The following BGLAP variants were observed in gnomAD, a reference collection of about 807,000 sequenced individuals.
BGLAP encodes the protein osteocalcin.
A neutral mutation model predicts 13.7 loss-of-function variants in BGLAP; 15 were observed. The observed-to-expected ratio is 1.09, with a 90% CI of 0.73 to 1.68. The LOEUF (loss-of-function observed/expected upper bound fraction) is 1.68, where lower values mean the gene tolerates loss of function less well. BGLAP is among the 40% of genes most tolerant of loss of function. BGLAP has a pLI of 0.00. For synonymous variants in BGLAP, 67 were observed against 56.2 expected, an observed-to-expected ratio of 1.19 and a Z score of -0.86; for missense variants, 120 against 134.3, an observed-to-expected ratio of 0.89 and a Z score of 0.53.
Position 156,243,084 on chromosome 1 carries a change from G to A in BGLAP, c.225G>A (p.Glu75=), listed in dbSNP as rs777257923. ...DPLEPRREVC[E]LNPDCDELAD... ...TGGAGCCCAGGAGGGAGGTGTGTGA[G>A]CTCAATCCGGACTGTGACGAGTTGG... The change falls in exon 4 of 4, where the codon GAG becomes GAA. Residue 75 remains glutamate (E), a synonymous_variant. Coordinates refer to ENST00000368272, the MANE Select transcript of BGLAP (RefSeq NM_199173.6). 2.5e-6 allele frequency: 4 copies of A among 1,613,990 alleles called. No homozygotes were observed. Among genetic ancestry groups the A allele is most frequent in the Non-Finnish European group, 3.4e-6 (4 of 1,180,008 alleles).
chr1:156,242,950 G>A, intron 3 of BGLAP, 83 bp from the exon 4 acceptor site: 2 of 1,596,236 alleles, frequency 1.3e-6, no homozygotes. Context: ...CTGCCCTGGT[G>A]GGCACCCTGG....
At chr1:156,242,467 A>G in intron 1 of BGLAP, 86 bp from the exon 2 acceptor site, 1 of 1,550,158 alleles carries the variant, frequency 6.5e-7, no homozygotes, top group Non-Finnish European at 8.7e-7. Context: ...GAGAGGAGGG[A>G]AGAGCAAGCT....
chr1:156,242,359 G>A (rs759821074), intron 1 of BGLAP, 64 bp downstream of exon 1: 15 of 1,582,904 alleles, frequency 9.5e-6, no homozygotes, highest in Non-Finnish European at 1.3e-5. Flanking sequence ...AAGCACCATG[G>A]CCCACCTCTT....
rs773985372 is a variant in BGLAP at position 156,243,021 on chromosome 1, C to T, written c.174-12C>T. 6.2e-6 allele frequency: 10 copies of T among 1,613,782 alleles called. No homozygotes were observed. Among genetic ancestry groups the T allele is most frequent in the Middle Eastern group, 1.6e-4 (1 of 6,080 alleles). On this transcript the variant is annotated splice_polypyrimidine_tract_variant and intron_variant, in intron 3 of 3. Coordinates refer to ENST00000368272, the MANE Select transcript of BGLAP (RefSeq NM_199173.6). The stretch of plus-strand genomic sequence containing the variant: ...TGCACGGGGGCTGATGCCACCACGT[C>T]GGGTGTCTCAGAGCCCCAGTCCCCT...
rs775012576 is a variant in BGLAP at position 156,242,305 on chromosome 1, C to T, written c.64+10C>T. ...ATCGCTGGCCAGGCAGGTGAGTGCCCCCACCTCCCCTCAGGCCGCATTGCA... is the reference window on the plus strand; with the variant it reads ...ATCGCTGGCCAGGCAGGTGAGTGCCTCCACCTCCCCTCAGGCCGCATTGCA... On this transcript the variant is annotated intron_variant, in intron 1 of 3. Coordinates refer to ENST00000368272, the MANE Select transcript of BGLAP (RefSeq NM_199173.6). The T allele has an allele frequency of 6.2e-7, 1 of 1,611,960 alleles. No homozygotes were observed. Among genetic ancestry groups the T allele is most frequent in the Admixed American group, 1.7e-5 (1 of 59,898 alleles).
intron 2 of BGLAP, 70 bp from the exon 3 acceptor site, chr1:156,242,692 A>G (rs974076705): frequency 5.0e-6 from 8 of 1,607,720 alleles, no homozygotes; most frequent in Admixed American, 1.7e-5. Flanking sequence ...GCCATCAGGA[A>G]GGCCAGCCTG....
intron 2 of BGLAP, 57 bp downstream of exon 2, chr1:156,242,648 G>A (rs374547015): frequency 1.6e-4 from 254 of 1,600,090 alleles, no homozygotes; most frequent in Non-Finnish European, 2.0e-4. Flanking sequence ...TGGTCCCTCA[G>A]TCTCATTCCC....
intron 3 of BGLAP, 87 bp downstream of exon 3, chr1:156,242,918 T>A: frequency 6.3e-7 from 1 of 1,575,278 alleles, no homozygotes; most frequent in African/African-American, 1.3e-5. Context: ...CCTCTCTGGG[T>A]TGTGGTGGGG....
rs941432094 is a variant in BGLAP, at chr1:156,243,236, T to G, written c.*74T>G. The G allele has an allele frequency of 8.8e-6, 14 of 1,591,272 alleles. No homozygotes were observed. Among genetic ancestry groups the G allele is most frequent in the Non-Finnish European group, 1.1e-5 (13 of 1,171,498 alleles). On this transcript the variant is annotated 3_prime_UTR_variant, in exon 4 of 4. Coordinates refer to ENST00000368272, the MANE Select transcript of BGLAP (RefSeq NM_199173.6). ...AGGCACCCTTCTTTCCTCTTCCCCT[T>G]GCCCTTGCCCTGACCTCCCAGCCCT... is the stretch of plus-strand genomic sequence containing the variant.
intron 3 of BGLAP, 93 bp from the exon 4 acceptor site, chr1:156,242,940 C>T: frequency 6.3e-7 from 1 of 1,587,900 alleles, no homozygotes; most frequent in South Asian, 1.1e-5. Flanking sequence ...TACAGGCAGC[C>T]TGCCCTGGTG....
intron 1 of BGLAP, 72 bp from the exon 2 acceptor site, chr1:156,242,481 C>T (rs376724263): frequency 4.3e-5 from 66 of 1,550,724 alleles, no homozygotes; most frequent in African/African-American, 2.9e-4. Flanking sequence ...GCAAGCTGCC[C>T]GAGACGCAGG....
At position 156,243,142 on chromosome 1, in the gene BGLAP, C is replaced by T. The variant is rs200610507; in HGVS notation, c.283C>T (p.Arg95Cys). The T allele has an allele frequency of 6.8e-5, 110 of 1,614,000 alleles. No individual in the cohort carries two copies. The highest frequency in any genetic ancestry group is 3.0e-4 in the South Asian group (27 of 91,076). Reference protein sequence around the residue: ...DHIGFQEAYRRFYGPV With the variant: ...DHIGFQEAYRCFYGPV ...CATCGGCTTTCAGGAGGCCTATCGG[C>T]GCTTCTACGGCCCGGTCTAGGGTGT... is the stretch of plus-strand genomic sequence containing the variant. The change falls in exon 4 of 4, where the codon CGC becomes TGC. Residue 95 changes from arginine (R) to cysteine (C), a missense_variant. By Grantham distance (180) the Arg-to-Cys change is radical (BLOSUM62 -3). Transcript: ENST00000368272.
At chr1:156,242,664 C>T in intron 2 of BGLAP, 73 bp downstream of exon 2, 3 of 1,607,700 alleles carry the variant, frequency 1.9e-6, no homozygotes, top group Admixed American at 1.7e-5. Context: ...TTCCCCCACT[C>T]CTGCCACCTC....
Position 156,242,305 on chromosome 1 carries a change from C to G in BGLAP, c.64+10C>G, listed in dbSNP as rs775012576. On this transcript the variant is annotated intron_variant, in intron 1 of 3. Transcript: ENST00000368272. ...ATCGCTGGCCAGGCAGGTGAGTGCC[C>G]CCACCTCCCCTCAGGCCGCATTGCA... 16 of 1,611,842 alleles carry G rather than the reference C, an allele frequency of 9.9e-6. 1 individual carries two copies. Among genetic ancestry groups the G allele is most frequent in the South Asian group, 8.8e-5 (8 of 90,692 alleles).
At position 156,242,192 on chromosome 1, in the gene BGLAP, T is replaced by C; in HGVS notation, c.-40T>C. 6.3e-7 allele frequency: 1 copy of C among 1,599,094 alleles called. No individual in the cohort carries two copies. The highest frequency in any genetic ancestry group is 8.5e-7 in the Non-Finnish European group (1 of 1,175,080). ...CTGGAGGCTGGCGGGGCAGGCCAGC[T>C]GAGTCCTGAGCAGCAGCCCAGCGCA... On this transcript the variant is annotated 5_prime_UTR_variant, in exon 1 of 4. Coordinates refer to ENST00000368272, the MANE Select transcript of BGLAP (RefSeq NM_199173.6).
intron 3 of BGLAP, 98 bp downstream of exon 3, chr1:156,242,929 G>T (rs1659546169): frequency 7.6e-6 from 12 of 1,581,038 alleles, no homozygotes; most frequent in East Asian, 2.3e-5. Flanking sequence ...TGTGGTGGGG[G>T]TACAGGCAGC....
Position 156,243,223 on chromosome 1 carries a change from T to G in BGLAP, c.*61T>G. Reference sequence around the variant, plus strand: ...TCTGCTCCTCTCCAGGCACCCTTCTTTCCTCTTCCCCTTGCCCTTGCCCTG... The same window carrying G: ...TCTGCTCCTCTCCAGGCACCCTTCTGTCCTCTTCCCCTTGCCCTTGCCCTG... On this transcript the variant is annotated 3_prime_UTR_variant, in exon 4 of 4. Transcript: ENST00000368272. 6.2e-7 allele frequency: 1 copy of G among 1,602,650 alleles called. No homozygotes were observed. The highest frequency in any genetic ancestry group is 8.5e-7 in the Non-Finnish European group (1 of 1,177,090).
intron 1 of BGLAP, 122 bp downstream of exon 1, chr1:156,242,417 C>T (rs544229512): frequency 8.4e-6 from 13 of 1,541,412 alleles, no homozygotes; most frequent in Admixed American, 2.0e-5. Flanking sequence ...CACCTTGTTG[C>T]AGGCTCAATC....
intron 1 of BGLAP, 67 bp downstream of exon 1, chr1:156,242,362 C>A (rs1458519212): frequency 1.3e-6 from 2 of 1,573,504 alleles, no homozygotes; most frequent in African/African-American, 2.7e-5. Context: ...CACCATGGCC[C>A]ACCTCTTCTC....
Sources: gnomAD v4.1 joint callset for allele counts on GRCh38, gnomAD v4.1.1 for gene constraint, MANE v1.5 for transcripts, NCBI Gene and HGNC (gene_info 2026-07-23, HGNC 2026-07-21) for gene names.